The following FAM178B variants were observed in gnomAD, a reference collection of about 807,000 sequenced individuals.
FAM178B encodes protein FAM178B.
Under a neutral mutation model 91.7 loss-of-function variants are expected in FAM178B, and 82 were observed. That is an observed-to-expected ratio of 0.89 (90% confidence interval 0.75 to 1.07). FAM178B has a LOEUF of 1.07. Among genes scored for constraint, FAM178B ranks in the 50% least tolerant of loss-of-function variants. The pLI is 0.00. For missense variants in FAM178B, 769 were observed against 846.7 expected, an observed-to-expected ratio of 0.91 and a Z score of 1.14; for synonymous variants, 368 against 359.4, an observed-to-expected ratio of 1.02 and a Z score of -0.27.
chr2:96,917,163 A>C (rs2081254949), intron 12 of FAM178B, among the ~76,000 whole-genome samples: 1 of 152,308 alleles, frequency 6.6e-6, no homozygotes, highest in Middle Eastern at 3.4e-3. Context: ...TCAGGGGAAG[A>C]AGCGCATTTT....
intron 6 of FAM178B, among the ~76,000 whole-genome samples, chr2:96,956,396 T>C (rs1001042093): frequency 2.0e-5 from 3 of 152,176 alleles, no homozygotes; most frequent in African/African-American, 7.2e-5. Context: ...GGGAAGAGGG[T>C]TCTTGCACAT....
At chr2:96,936,628 A>G (rs1371331414) in intron 8 of FAM178B, among the ~76,000 whole-genome samples, 2 of 148,732 alleles carry the variant, frequency 1.3e-5, no homozygotes, top group African/African-American at 5.0e-5. Context: ...TCCTGCCCCA[A>G]CCTCCCAAGT....
intron 6 of FAM178B, among the ~76,000 whole-genome samples, chr2:96,953,138 C>T (rs562704803): frequency 6.6e-6 from 1 of 152,150 alleles, no homozygotes; most frequent in African/African-American, 2.4e-5. Flanking sequence ...TGAAGTTTAC[C>T]ACCCTGAAAT....
intron 6 of FAM178B, 57 bp from the exon 7 acceptor site, chr2:96,951,541 G>A (rs1435940692): frequency 1.5e-6 from 2 of 1,342,146 alleles, no homozygotes; most frequent in East Asian, 2.5e-5. Context: ...ACTTGTCTCG[G>A]TGACACCGCG....
chr2:96,877,560 G>A (rs987963193), intron 16 of FAM178B, among the ~76,000 whole-genome samples: 2 of 152,134 alleles, frequency 1.3e-5, no homozygotes, highest in Non-Finnish European at 2.9e-5. Flanking sequence ...ACACCACCGC[G>A]CCCGGCTAAT....
At chr2:96,923,457 A>T (rs773933959) in intron 10 of FAM178B, 33 bp downstream of exon 10, 5 of 1,491,526 alleles carry the variant, frequency 3.4e-6, no homozygotes, top group African/African-American at 1.4e-5. Context: ...GTAAGCCGAG[A>T]GTGCCCTGCA....
chr2:96,893,896 G>T, intron 14 of FAM178B, 30 bp downstream of exon 14: 1 of 1,602,618 alleles, frequency 6.2e-7, no homozygotes. Context: ...CACCGTGGTG[G>T]AGGCAGGCGG....
In FAM178B at chr2:96,980,371, C is replaced by T. The variant is rs537794879; in HGVS notation, c.73+5870G>A. On this transcript the variant is annotated intron_variant, in intron 1 of 16. Coordinates refer to ENST00000490605, the MANE Select transcript of FAM178B (RefSeq NM_001122646.3). ...GATTACAGGTGTGAGCCACTGTGTC[C>T]GGTCTCCTTATGTAATTTAAAATTT... Among the ~76,000 whole-genome samples, 12 of 149,520 alleles carry T rather than the reference C, an allele frequency of 8.0e-5. No individual in the cohort carries two copies. The South Asian group carries it at 2.4e-3, about 29-fold the overall frequency.
In FAM178B at chr2:96,876,029, G is replaced by T; in HGVS notation, c.*247C>A. On this transcript the variant is annotated 3_prime_UTR_variant, in exon 17 of 17. Coordinates refer to ENST00000490605, the MANE Select transcript of FAM178B (RefSeq NM_001122646.3). ...AGGGAAGAGGAGATGGCTGGGAGGA[G>T]GGCTGAGGGGTGGGCGAGGCAGAGA... The T allele has an allele frequency of 1.8e-6, 1 of 557,988 alleles. No homozygotes were observed. The allele number at this position is 557,988 out of a possible 1,614,324, so 34.6% of individuals were successfully genotyped here.
At chr2:96,981,740 CAAAAAA>C (rs377081384) in intron 1 of FAM178B, among the ~76,000 whole-genome samples, 195 of 18,716 alleles carry the variant, frequency 0.01, 2 homozygotes, top group African/African-American at 0.027. Flanking sequence ...GACTCCGTCT[CAAAAAA>C]AAAAAAAAAA....
chr2:96,904,189 A>ACAGCAGCAG (rs956817852), intron 12 of FAM178B, among the ~76,000 whole-genome samples: 5 of 151,884 alleles, frequency 3.3e-5, no homozygotes, highest in Non-Finnish European at 7.4e-5. Context: ...GAAGGTTTGC[A>ACAGCAGCAG]CAGCAGCAGC....
Position 96,902,704 on chromosome 2 carries a change from C to G in FAM178B, c.1566G>C (p.Arg522=). ...CCACAAGGCTGAGCTGGCTTCGAAGCCGCCTGGGGGAAAAGCGACAGCCTG... is the reference window on the plus strand; with the variant it reads ...CCACAAGGCTGAGCTGGCTTCGAAGGCGCCTGGGGGAAAAGCGACAGCCTG... ...FFPDMTSRSR[R]LRSQLSLVVI... is the part of the protein sequence containing the mutation. The change falls in exon 13 of 17, where the codon CGG becomes CGC. Residue 522 remains arginine, a synonymous_variant. Transcript: ENST00000490605. The G allele has an allele frequency of 6.5e-7, 1 of 1,550,096 alleles. No individual in the cohort carries two copies. Among genetic ancestry groups the G allele is most frequent in the South Asian group, 1.2e-5 (1 of 84,046 alleles).
At chr2:96,978,208 A>G (rs2082317299) in intron 1 of FAM178B, among the ~76,000 whole-genome samples, 1 of 152,180 alleles carries the variant, frequency 6.6e-6, no homozygotes, top group Non-Finnish European at 1.5e-5. Flanking sequence ...TGGCACTACT[A>G]TACATTGACA....
Position 96,876,267 on chromosome 2 carries a change from C to G in FAM178B, c.*9G>C, listed in dbSNP as rs1189141361. 6.2e-7 allele frequency: 1 copy of G among 1,608,248 alleles called. No homozygotes were observed. Among genetic ancestry groups the G allele is most frequent in the Non-Finnish European group, 8.5e-7 (1 of 1,178,228 alleles). On this transcript the variant is annotated 3_prime_UTR_variant, in exon 17 of 17. Coordinates refer to ENST00000490605, the MANE Select transcript of FAM178B (RefSeq NM_001122646.3). The stretch of plus-strand genomic sequence containing the variant: ...GCCAGGAGCCCTGGGCTGCCCTGAC[C>G]CTGTCCCTTTAGATGTCTTTCCAGG...
intron 9 of FAM178B, among the ~76,000 whole-genome samples, chr2:96,923,917 A>G (rs769289580): frequency 6.6e-6 from 1 of 152,208 alleles, no homozygotes; most frequent in Non-Finnish European, 1.5e-5. Flanking sequence ...GTTTCTCCAC[A>G]TGGCCGCTGG....
At chr2:96,905,417 G>A (rs1420616288) in intron 12 of FAM178B, among the ~76,000 whole-genome samples, 3 of 151,666 alleles carry the variant, frequency 2.0e-5, no homozygotes, top group African/African-American at 7.3e-5. Context: ...AATTAGCTGG[G>A]CGTGGTGGCA....
At chr2:96,902,836 T>C (rs1306302053) in intron 12 of FAM178B, 129 bp from the exon 13 acceptor site, 3 of 659,146 alleles carry the variant, frequency 4.6e-6, no homozygotes, top group Non-Finnish European at 8.5e-6. Context: ...AGCAAAGGGC[T>C]TTCTCCATTG....
chr2:96,955,960 C>T (rs1045258414), intron 6 of FAM178B, among the ~76,000 whole-genome samples: 4 of 152,238 alleles, frequency 2.6e-5, no homozygotes, highest in African/African-American at 9.6e-5. Context: ...CTTCCCCTGC[C>T]TGCTGGATAT....
intron 14 of FAM178B, among the ~76,000 whole-genome samples, chr2:96,887,931 T>C (rs1191516662): frequency 6.6e-6 from 1 of 152,234 alleles, no homozygotes; most frequent in Non-Finnish European, 1.5e-5. Flanking sequence ...GGCTGAAGAA[T>C]GCAAGCCTGC....
Sources: gnomAD v4.1 joint callset for allele counts (sites outside exome capture counted in the v4.1 genomes callset) on GRCh38, gnomAD v4.1.1 for gene constraint, MANE v1.5 for transcripts, NCBI Gene and HGNC (gene_info 2026-07-23, HGNC 2026-07-21) for gene names.